The following DST variants were observed in gnomAD, a reference collection of about 807,000 sequenced individuals.
DST encodes dystonin.
Under a neutral mutation model 875.2 loss-of-function variants are expected in DST, and 253 were observed. The observed-to-expected ratio is 0.29, with a 90% confidence interval of 0.26 to 0.32. The LOEUF is 0.32. DST is among the 10% of genes least tolerant of loss of function. The pLI, the probability that DST is intolerant of heterozygous loss-of-function variation, is 1.00. For synonymous variants in DST, 3,124 were observed against 3,197.1 expected (o/e 0.98, Z 0.77); for missense variants, 8,287 against 9,111.6 (o/e 0.91, Z 3.68).
chr6:56,760,341 TTTAAAA>T (rs1431401459), intron 4 of DST, among the ~76,000 whole-genome samples: 1 of 152,224 alleles, frequency 6.6e-6, no homozygotes, highest in African/African-American at 2.4e-5. Context: ...TTAAAACTTA[TTTAAAA>T]TTAGTTTCCA....
intron 9 of DST, among the ~76,000 whole-genome samples, chr6:56,697,796 T>G (rs922675412): frequency 6.6e-6 from 1 of 152,182 alleles, no homozygotes; most frequent in African/African-American, 2.4e-5. Flanking sequence ...TCTTGCAGTT[T>G]CAACTCTGCT....
At chr6:56,851,322 GC>G (rs1765118500) in intron 4 of DST, 74 bp downstream of exon 4, 4 of 1,368,874 alleles carry the variant, frequency 2.9e-6, no homozygotes, top group Non-Finnish European at 3.0e-6. Flanking sequence ...TCCCGCTATG[GC>G]CCCCCAGGAG....
chr6:56,587,005 TCTC>T (rs1484596244), intron 49 of DST, among the ~76,000 whole-genome samples: 2 of 152,066 alleles, frequency 1.3e-5, no homozygotes, highest in East Asian at 3.9e-4. Context: ...GTGGAGTGCC[TCTC>T]CTCCTCCAAA....
chr6:56,743,218 G>A (rs189054734), intron 4 of DST, among the ~76,000 whole-genome samples: 45 of 152,146 alleles, frequency 3.0e-4, no homozygotes, highest in Non-Finnish European at 4.0e-4. Flanking sequence ...TGTCTGAAAC[G>A]TTAGACCAAT....
intron 9 of DST, among the ~76,000 whole-genome samples, chr6:56,695,772 G>C (rs2099260161): frequency 6.6e-6 from 1 of 152,136 alleles, no homozygotes. Flanking sequence ...CAGAAAGCCT[G>C]ACTGAAAAAC....
At chr6:56,892,193 C>T (rs184392459) in intron 3 of DST, among the ~76,000 whole-genome samples, 2 of 152,224 alleles carry the variant, frequency 1.3e-5, no homozygotes, top group Admixed American at 1.3e-4. Context: ...TGTATGTTGG[C>T]CCCTAACTAT....
chr6:56,749,232 C>A (rs745709877), intron 4 of DST, among the ~76,000 whole-genome samples: 3 of 152,024 alleles, frequency 2.0e-5, no homozygotes, highest in Non-Finnish European at 4.4e-5. Flanking sequence ...TGTGCACCTG[C>A]AGTCCCAGGT....
At chr6:56,928,385 A>G (rs1303220416) in intron 2 of DST, among the ~76,000 whole-genome samples, 1 of 152,094 alleles carries the variant, frequency 6.6e-6, no homozygotes, top group African/African-American at 2.4e-5. Context: ...CCCAGCCCCA[A>G]CACCAGAGAG....
intron 13 of DST, among the ~76,000 whole-genome samples, chr6:56,648,133 TCTTCCTGCACAAAAGATG>T (rs1292473480): frequency 2.6e-5 from 4 of 152,182 alleles, no homozygotes; most frequent in Non-Finnish European, 4.4e-5. Flanking sequence ...ACTGTGTACC[TCTTCCTGCACAAAAGATG>T]CTTCCTGCAC....
chr6:56,939,506 T>TG, intron 2 of DST, among the ~76,000 whole-genome samples: 1 of 151,974 alleles, frequency 6.6e-6, no homozygotes, highest in East Asian at 1.9e-4. Flanking sequence ...AATGAACAGA[T>TG]GGGGGGATAG....
intron 92 of DST, among the ~76,000 whole-genome samples, chr6:56,474,527 T>G (rs12174955): frequency 0.31 from 47,231 of 151,880 alleles, 7,960 homozygotes; most frequent in Middle Eastern, 0.45. Flanking sequence ...TTAATGCTTG[T>G]AAAGAGAGTA....
chr6:56,718,582 G>A (rs1402986964), intron 5 of DST, among the ~76,000 whole-genome samples: 1 of 151,426 alleles, frequency 6.6e-6, no homozygotes, highest in Admixed American at 6.6e-5. Context: ...ATAAAAACAT[G>A]TGTCTACACA....
At chr6:56,490,479 G>C (rs1212405459) in intron 85 of DST, among the ~76,000 whole-genome samples, 2 of 152,100 alleles carry the variant, frequency 1.3e-5, no homozygotes, top group African/African-American at 4.8e-5. Flanking sequence ...CATGAATAAT[G>C]AAATAACAAC....
chr6:56,615,095 G>C (rs545796139), intron 36 of DST: 3 of 1,023,052 alleles, frequency 2.9e-6, no homozygotes, highest in Non-Finnish European at 3.5e-6. Flanking sequence ...CTGTGGGAAC[G>C]AATTTATATC....
chr6:56,834,794 G>A (rs2099791548), intron 4 of DST, among the ~76,000 whole-genome samples: 1 of 152,142 alleles, frequency 6.6e-6, no homozygotes, highest in Admixed American at 6.5e-5. Context: ...TGGAAGTCAA[G>A]TTAGACAAGT....
chr6:56,829,724 C>T (rs1281205919), intron 4 of DST, among the ~76,000 whole-genome samples: 1 of 151,978 alleles, frequency 6.6e-6, no homozygotes, highest in African/African-American at 2.4e-5. Flanking sequence ...ATATAAAAGA[C>T]CATTAATTTT....
At position 56,648,707 on chromosome 6, in the gene DST, T is replaced by C. The variant is rs775000724; in HGVS notation, c.1435-18A>G. The C allele has an allele frequency of 4.5e-6, 7 of 1,545,320 alleles. No homozygotes were observed. In the African/African-American group the frequency reaches 9.6e-5, roughly 21 times the overall value. ...TCAACATCCTAGAACAATCAAATGA[T>C]AGAAAAGGTTCACATCTGTAGATAA... is the stretch of plus-strand genomic sequence containing the variant. On this transcript the variant is annotated intron_variant, in intron 12 of 103. Coordinates refer to ENST00000680361, the MANE Select transcript of DST (RefSeq NM_001374736.1).
chr6:56,680,856 T>G (rs534572283), intron 9 of DST, among the ~76,000 whole-genome samples: 1 of 152,304 alleles, frequency 6.6e-6, no homozygotes, highest in South Asian at 2.1e-4. Flanking sequence ...TATCATACAC[T>G]TCTATTGCAA....
intron 33 of DST, 90 bp downstream of exon 33, chr6:56,627,909 A>T: frequency 7.8e-7 from 1 of 1,281,068 alleles, no homozygotes; most frequent in South Asian, 1.2e-5. Context: ...AGAGTTGGTG[A>T]CTTTTTCATT....
Sources: allele counts gnomAD v4.1 joint callset (sites outside exome capture counted in the v4.1 genomes callset), GRCh38; gene constraint gnomAD v4.1.1; transcripts MANE v1.5; gene names NCBI Gene and HGNC (gene_info 2026-07-23, HGNC 2026-07-21).